The following C8B variants were observed in gnomAD, a reference collection of about 807,000 sequenced individuals.
The protein encoded by C8B is complement component C8 beta chain.
Under a neutral mutation model 64.6 loss-of-function variants are expected in C8B, and 67 were observed. The ratio of observed to expected loss-of-function variants is 1.04; its 90% CI spans 0.85 to 1.27. The LOEUF (loss-of-function observed/expected upper bound fraction) is 1.27, where lower values mean the gene tolerates loss of function less well. C8B is among the 50% of genes most tolerant of loss of function. The pLI is 0.00. For missense variants in C8B, 790 were observed against 725.2 expected, an observed-to-expected ratio of 1.09 and a Z score of -1.03; for synonymous variants, 284 against 257.7, an observed-to-expected ratio of 1.10 and a Z score of -0.98.
chr1:56,955,265 C>G lies in C8B; in HGVS notation c.392-438G>C, dbSNP rs149268651. Among the ~76,000 whole-genome samples, 17 of 152,322 alleles carry G rather than the reference C, an allele frequency of 1.1e-4. 1 individual carries two copies. In the East Asian group the frequency reaches 3.3e-3, roughly 29 times the overall value. On this transcript the variant is annotated intron_variant, in intron 3 of 11. Coordinates refer to ENST00000371237, the MANE Select transcript of C8B (RefSeq NM_000066.4). ...AAACAGTACTGACTCCTAGGAAGTG[C>G]TGTGTAAGTGTTATCAGTACTATTC...
At chr1:56,932,253 G>A (rs963369389) in intron 10 of C8B, among the ~76,000 whole-genome samples, 8 of 152,170 alleles carry the variant, frequency 5.3e-5, no homozygotes, top group African/African-American at 1.9e-4. Context: ...CCTCGAGGAT[G>A]GGGAACTCAT....
At chr1:56,947,733 C>T (rs150039755) in intron 6 of C8B, among the ~76,000 whole-genome samples, 115 of 152,216 alleles carry the variant, frequency 7.6e-4, no homozygotes, top group African/African-American at 2.7e-3. Context: ...AGATCAAGAT[C>T]ATCCTGGTTA....
chr1:56,960,312 CTATCCTGGAAT>C, intron 1 of C8B, 136 bp from the exon 2 acceptor site: 1 of 756,790 alleles, frequency 1.3e-6, no homozygotes, highest in South Asian at 1.5e-5. Flanking sequence ...CCAGGATAAC[CTATCCTGGAAT>C]TAATTAATTA....
intron 6 of C8B, among the ~76,000 whole-genome samples, chr1:56,947,879 C>T (rs1009968713): frequency 1.2e-4 from 19 of 152,080 alleles, no homozygotes; most frequent in East Asian, 3.9e-4. Context: ...TGAAGTGAGC[C>T]GAGATCATGC....
intron 9 of C8B, among the ~76,000 whole-genome samples, chr1:56,935,170 T>C (rs571017245): frequency 1.3e-5 from 2 of 152,346 alleles, no homozygotes; most frequent in African/African-American, 2.4e-5. Context: ...ACCATGATTA[T>C]TGATAAAAAT....
intron 9 of C8B, among the ~76,000 whole-genome samples, chr1:56,935,609 C>A (rs1383598569): frequency 1.3e-5 from 2 of 152,196 alleles, no homozygotes; most frequent in African/African-American, 4.8e-5. Context: ...CCATAGCTAG[C>A]ATTTATTAGG....
intron 2 of C8B, among the ~76,000 whole-genome samples, chr1:56,958,488 A>G (rs1342605579): frequency 6.6e-6 from 1 of 152,008 alleles, no homozygotes; most frequent in African/African-American, 2.4e-5. Flanking sequence ...CTTGCAGAGA[A>G]CACTGTGAAA....
At chr1:56,936,978 G>A (rs771364861) in intron 9 of C8B, among the ~76,000 whole-genome samples, 1 of 152,122 alleles carries the variant, frequency 6.6e-6, no homozygotes, top group African/African-American at 2.4e-5. Flanking sequence ...GGCATATGCT[G>A]CCACAGCATT....
At chr1:56,941,819 C>T (rs762182042) in intron 8 of C8B, among the ~76,000 whole-genome samples, 11 of 152,350 alleles carry the variant, frequency 7.2e-5, no homozygotes, top group Non-Finnish European at 1.5e-4. Context: ...TCCAAACTGG[C>T]TCCTGCAGGT....
At chr1:56,964,252 A>AAT (rs1490582809) in intron 1 of C8B, among the ~76,000 whole-genome samples, 12 of 152,090 alleles carry the variant, frequency 7.9e-5, no homozygotes, top group East Asian at 3.9e-4. Context: ...TGAACTTCCT[A>AAT]ATATATATAT....
chr1:56,943,825 C>A lies in C8B; in HGVS notation c.1106-1G>T, dbSNP rs754725443. 1 of 1,613,912 alleles carries A rather than the reference C, an allele frequency of 6.2e-7. No individual in the cohort carries two copies. Among genetic ancestry groups the A allele is most frequent in the Non-Finnish European group, 8.5e-7 (1 of 1,179,922 alleles). On this transcript the variant is annotated splice_acceptor_variant, in intron 7 of 11. Transcript: ENST00000371237. LOFTEE classifies it high-confidence loss of function. ...GCATGGACGTTGTTAAGAGTATAAT[C>A]TGAAGAAAACAAGGAAAAAGGTCCA...
intron 9 of C8B, among the ~76,000 whole-genome samples, chr1:56,937,583 AATGTAC>A (rs1176503199): frequency 6.6e-6 from 1 of 152,204 alleles, no homozygotes; most frequent in Non-Finnish European, 1.5e-5. Context: ...CTAGCATAGA[AATGTAC>A]ATGGATGACA....
intron 11 of C8B, 135 bp downstream of exon 11, chr1:56,931,675 A>G (rs1387113111): frequency 6.0e-6 from 4 of 670,254 alleles, no homozygotes; most frequent in South Asian, 1.5e-5. Context: ...ATGGAATTTC[A>G]ATCCAAGCTG....
rs978540608 is a variant in C8B, at chr1:56,954,736, T to C, written c.483A>G (p.Lys161=). 6.2e-7 allele frequency: 1 copy of C among 1,614,198 alleles called. No individual in the cohort carries two copies. Among genetic ancestry groups the C allele is most frequent in the Non-Finnish European group, 8.5e-7 (1 of 1,180,014 alleles). The change falls in exon 4 of 12, where the codon AAA becomes AAG. Residue 161 remains lysine, a synonymous_variant. Coordinates refer to ENST00000371237, the MANE Select transcript of C8B (RefSeq NM_000066.4). ...DEANCRRIYK[K]CQHEMDQYWG... ...AGTATTGGTCCATTTCATGCTGACA[T>C]TTTTTATAAATCCTTCTACAGTTTG... is the stretch of plus-strand genomic sequence containing the variant.
chr1:56,932,416 C>T (rs182080406), intron 10 of C8B, among the ~76,000 whole-genome samples: 1 of 152,222 alleles, frequency 6.6e-6, no homozygotes, highest in East Asian at 1.9e-4. Flanking sequence ...TGCAAGCATC[C>T]CAGTCTCTGG....
intron 10 of C8B, 66 bp downstream of exon 10, chr1:56,933,269 G>T (rs1644728028): frequency 5.9e-6 from 8 of 1,358,662 alleles, no homozygotes; most frequent in African/African-American, 1.4e-5. Context: ...GCAGGCAAAT[G>T]GCTGGCCCCC....
chr1:56,933,244 T>C, intron 10 of C8B, 91 bp downstream of exon 10: 1 of 1,107,436 alleles, frequency 9.0e-7, no homozygotes. Flanking sequence ...AATTCTGACT[T>C]CTCAGTAAAC....
At chr1:56,958,090 A>C (rs571346705) in intron 2 of C8B, among the ~76,000 whole-genome samples, 279 of 152,246 alleles carry the variant, frequency 1.8e-3, no homozygotes, top group Non-Finnish European at 3.4e-3. Flanking sequence ...AGAAGAGCAC[A>C]AGTAGGAGAG....
intron 9 of C8B, among the ~76,000 whole-genome samples, chr1:56,939,206 G>A (rs1644815428): frequency 6.6e-6 from 1 of 152,196 alleles, no homozygotes; most frequent in South Asian, 2.1e-4. Context: ...ATTTTCCCTT[G>A]AACTCTGTTC....
Sources: gnomAD v4.1 joint callset for allele counts (sites outside exome capture counted in the v4.1 genomes callset) on GRCh38, gnomAD v4.1.1 for gene constraint, MANE v1.5 for transcripts, NCBI Gene and HGNC (gene_info 2026-07-23, HGNC 2026-07-21) for gene names.